The following SATB1 variants were observed in gnomAD, a reference collection of about 807,000 sequenced individuals.
SATB1 encodes the protein SATB homeobox 1.
SATB1 carries 11 observed loss-of-function variants against 86.9 expected under a neutral mutation model. That is an observed-to-expected ratio of 0.13 (90% CI 0.08 to 0.21). The LOEUF (loss-of-function observed/expected upper bound fraction) is 0.21. Among genes scored for constraint, SATB1 ranks in the 10% least tolerant of loss-of-function variants. SATB1 has a pLI of 1.00. For missense variants in SATB1, 551 were observed against 937.6 expected (o/e 0.59, Z 5.39); for synonymous variants, 357 against 357.2 (o/e 1.00, Z 0.01).
intron 8 of SATB1, among the ~76,000 whole-genome samples, chr3:18,382,899 G>A (rs927233983): frequency 6.6e-6 from 1 of 152,190 alleles, no homozygotes; most frequent in Non-Finnish European, 1.5e-5. Context: ...AAGAGACTTA[G>A]CAGAGGATTT....
At chr3:18,384,339 A>C (rs1244547757) in intron 8 of SATB1, among the ~76,000 whole-genome samples, 6 of 152,208 alleles carry the variant, frequency 3.9e-5, no homozygotes, top group African/African-American at 1.4e-4. Context: ...GCTCAAGAAA[A>C]AGCTTGATGA....
chr3:18,412,912 C>T (rs1697927775), intron 5 of SATB1, among the ~76,000 whole-genome samples: 1 of 151,956 alleles, frequency 6.6e-6, no homozygotes, highest in Admixed American at 6.6e-5. Flanking sequence ...AAAATAAGTA[C>T]CTCATTTAGA....
intron 7 of SATB1, among the ~76,000 whole-genome samples, chr3:18,393,850 G>T (rs1696815627): frequency 6.6e-6 from 1 of 152,166 alleles, no homozygotes; most frequent in Admixed American, 6.5e-5. Context: ...GCCTGGTCTA[G>T]ACAATGAATT....
rs1256329372 is a variant in SATB1 at position 18,348,120 on chromosome 3, G to GAT, written c.*1048_*1049dup. The GAT allele has an allele frequency of 6.6e-6, 1 of 152,582 alleles. No homozygotes were observed. Among genetic ancestry groups the GAT allele is most frequent in the Non-Finnish European group, 1.5e-5 (1 of 68,008 alleles). 9.5% of individuals were successfully genotyped at this position (152,582 alleles called of 1,614,324 possible). ...CACCTTTATACAGAAATTTTATACA[G>GAT]ATGTAGCTTTAAAATTGATTGTAAA... is the stretch of plus-strand genomic sequence containing the variant. On this transcript the variant is annotated 3_prime_UTR_variant, in exon 11 of 11. Coordinates refer to ENST00000338745, the MANE Select transcript of SATB1 (RefSeq NM_002971.6).
chr3:18,414,977 G>A, intron 5 of SATB1, 134 bp downstream of exon 5: 1 of 920,452 alleles, frequency 1.1e-6, no homozygotes, highest in South Asian at 1.6e-5. Context: ...AAGGTCACCA[G>A]TGGTCAAGTC....
chr3:18,388,583 C>A (rs190905503), intron 7 of SATB1, among the ~76,000 whole-genome samples: 81 of 152,172 alleles, frequency 5.3e-4, no homozygotes, highest in African/African-American at 1.9e-3. Flanking sequence ...ATGGACTGAT[C>A]ATGTGTATAA....
chr3:18,401,290 T>C lies in SATB1; in HGVS notation c.640-4000A>G, dbSNP rs532659821. On this transcript the variant is annotated intron_variant, in intron 5 of 10. Coordinates refer to ENST00000338745, the MANE Select transcript of SATB1 (RefSeq NM_002971.6). ...CTTTTTTCCCCTTAAAGGTCAAACA[T>C]AATAGCAGCTTAACTATGACACGAA... Among the ~76,000 whole-genome samples the C allele has an allele frequency of 9.2e-5, 14 of 152,228 alleles. 1 individual carries two copies. The highest frequency in any genetic ancestry group is 7.9e-4 in the Admixed American group (12 of 15,282).
intron 6 of SATB1, among the ~76,000 whole-genome samples, chr3:18,395,880 T>C (rs1415159142): frequency 2.6e-5 from 4 of 152,236 alleles, no homozygotes; most frequent in African/African-American, 9.6e-5. Flanking sequence ...TCGATGCTCT[T>C]GGCTGGAAGG....
At chr3:18,363,487 A>T (rs1003975360) in intron 9 of SATB1, among the ~76,000 whole-genome samples, 1 of 152,140 alleles carries the variant, frequency 6.6e-6, no homozygotes, top group Non-Finnish European at 1.5e-5. Flanking sequence ...CTTTGCACAG[A>T]CTGTCTCAAT....
chr3:18,433,338 T>C (rs905998223), intron 2 of SATB1, among the ~76,000 whole-genome samples: 3 of 152,156 alleles, frequency 2.0e-5, no homozygotes, highest in African/African-American at 4.8e-5. Flanking sequence ...AATTTGCAAA[T>C]TGTCTACATA....
At chr3:18,431,304 C>A (rs1000211074) in intron 2 of SATB1, among the ~76,000 whole-genome samples, 1 of 152,160 alleles carries the variant, frequency 6.6e-6, no homozygotes, top group Non-Finnish European at 1.5e-5. Flanking sequence ...CCTTGTCAGT[C>A]CGAAGCCTTC....
At chr3:18,397,402 AT>A in intron 5 of SATB1, 112 bp from the exon 6 acceptor site, 2 of 673,282 alleles carry the variant, frequency 3.0e-6, no homozygotes, top group South Asian at 3.6e-5. Flanking sequence ...GTACCAATAC[AT>A]TTTGGTTTCA....
At position 18,348,726 on chromosome 3, in the gene SATB1, C is replaced by CT. The variant is rs906169409; in HGVS notation, c.*443dup. 21 of 159,762 alleles carry CT rather than the reference C, an allele frequency of 1.3e-4. No homozygotes were observed. In the East Asian group the frequency reaches 2.4e-3, roughly 18 times the overall value. 9.9% of individuals were successfully genotyped at this position (159,762 alleles called of 1,614,324 possible). On this transcript the variant is annotated 3_prime_UTR_variant, in exon 11 of 11. Transcript: ENST00000338745. ...GTAACATACAATAGAGTAACAAACT[C>CT]TTTTTTTTCTTTTTTTTTTTTAAAT...
chr3:18,434,489 A>G (rs963673303), intron 2 of SATB1, among the ~76,000 whole-genome samples: 5 of 152,068 alleles, frequency 3.3e-5, no homozygotes, highest in African/African-American at 4.8e-5. Flanking sequence ...AAACTAGTCT[A>G]CCACAGTTTT....
At chr3:18,441,626 A>G (rs1472721964), upstream of SATB1, among the ~76,000 whole-genome samples, 1 of 152,214 alleles carries the variant, frequency 6.6e-6, no homozygotes, top group Non-Finnish European at 1.5e-5. Flanking sequence ...AGAACAGATG[A>G]AAACCCACTA....
At chr3:18,383,830 T>G (rs1357392856) in intron 8 of SATB1, among the ~76,000 whole-genome samples, 2 of 152,138 alleles carry the variant, frequency 1.3e-5, no homozygotes, top group Non-Finnish European at 2.9e-5. Flanking sequence ...CTTTAATACC[T>G]TAAGATTTCT....
intron 2 of SATB1, among the ~76,000 whole-genome samples, chr3:18,418,873 CCAAAA>C (rs551909021): frequency 1.3e-5 from 2 of 152,042 alleles, no homozygotes; most frequent in African/African-American, 2.4e-5. Flanking sequence ...TAGAATACAT[CCAAAA>C]CAAAACAAAA....
At chr3:18,388,797 T>C (rs1331311869) in intron 7 of SATB1, among the ~76,000 whole-genome samples, 1 of 152,152 alleles carries the variant, frequency 6.6e-6, no homozygotes, top group African/African-American at 2.4e-5. Flanking sequence ...TATAAATATT[T>C]AGGATGTTAT....
intron 5 of SATB1, among the ~76,000 whole-genome samples, chr3:18,412,510 C>A (rs745780854): frequency 1.3e-5 from 2 of 151,984 alleles, no homozygotes; most frequent in Admixed American, 6.6e-5. Context: ...CAAAATAAAA[C>A]CCTTACTGTA....
Sources: gnomAD v4.1 joint callset for allele counts (sites outside exome capture counted in the v4.1 genomes callset) on GRCh38, gnomAD v4.1.1 for gene constraint, MANE v1.5 for transcripts, NCBI Gene and HGNC (gene_info 2026-07-23, HGNC 2026-07-21) for gene names.